The following DAB1 variants were observed in gnomAD, a reference collection of about 807,000 sequenced individuals.
DAB1 encodes DAB adaptor protein 1, also known as disabled homolog 1.
DAB1 carries 15 observed loss-of-function variants against 64.6 expected under a neutral mutation model. That is an observed-to-expected ratio of 0.23 (90% CI 0.16 to 0.36). The LOEUF is 0.36. DAB1 is among the 10% of genes least tolerant of loss of function. DAB1 has a pLI of 1.00. For missense variants in DAB1, 596 were observed against 706.7 expected (o/e 0.84, Z 1.78); for synonymous variants, 235 against 251.9 (o/e 0.93, Z 0.64).
At chr1:58,227,036 T>C (rs1223080708) in intron 4 of DAB1, among the ~76,000 whole-genome samples, 5 of 152,208 alleles carry the variant, frequency 3.3e-5, no homozygotes, top group Non-Finnish European at 7.3e-5. Context: ...TCCCACTTTA[T>C]AGAGGAGGAA....
intron 5 of DAB1, among the ~76,000 whole-genome samples, chr1:57,994,078 C>T (rs1057278616): frequency 2.6e-5 from 4 of 152,154 alleles, no homozygotes; most frequent in Non-Finnish European, 5.9e-5. Flanking sequence ...CAGGTGTGAA[C>T]TAACAGTAGG....
chr1:57,278,738 C>A (rs1402466073), intron 2 of DAB1, among the ~76,000 whole-genome samples: 1 of 152,098 alleles, frequency 6.6e-6, no homozygotes, highest in Non-Finnish European at 1.5e-5. Flanking sequence ...GCAAGCAAGG[C>A]GATGTGTTCA....
chr1:57,362,823 A>T (rs75203772), intron 1 of DAB1, among the ~76,000 whole-genome samples: 8,604 of 152,250 alleles, frequency 0.057, 377 homozygotes, highest in Middle Eastern at 0.088. Flanking sequence ...ACACAAGCAC[A>T]CAAACACACA....
intron 1 of DAB1, among the ~76,000 whole-genome samples, chr1:57,421,164 G>T (rs1034643007): frequency 1.3e-5 from 2 of 152,078 alleles, no homozygotes; most frequent in African/African-American, 4.8e-5. Flanking sequence ...GAGGGCAAAG[G>T]GGAATGAAGA....
chr1:57,191,379 C>G (rs1209207952), intron 2 of DAB1, among the ~76,000 whole-genome samples: 1 of 152,174 alleles, frequency 6.6e-6, no homozygotes, highest in East Asian at 1.9e-4. Flanking sequence ...CCACTCAAAA[C>G]AAATCAGCAA....
intron 1 of DAB1, among the ~76,000 whole-genome samples, chr1:57,883,067 A>T (rs553777042): frequency 6.6e-6 from 1 of 152,304 alleles, no homozygotes; most frequent in East Asian, 1.9e-4. Flanking sequence ...TGCAACTCCA[A>T]ATAAAACGCT....
At chr1:58,198,086 T>C (rs1381511630) in intron 4 of DAB1, among the ~76,000 whole-genome samples, 1 of 152,214 alleles carries the variant, frequency 6.6e-6, no homozygotes, top group Non-Finnish European at 1.5e-5. Context: ...ACCATTTCAC[T>C]GAATCCCTTA....
chr1:57,482,506 A>C (rs1357633110), intron 7 of DAB1, among the ~76,000 whole-genome samples: 1 of 138,534 alleles, frequency 7.2e-6, no homozygotes, highest in Non-Finnish European at 1.5e-5. Context: ...AAAAAAAAAC[A>C]AGAAAAGCTA....
chr1:58,492,465 A>G (rs1012254312), intron 3 of DAB1, among the ~76,000 whole-genome samples: 88 of 152,342 alleles, frequency 5.8e-4, no homozygotes, highest in African/African-American at 2.0e-3. Context: ...CAAAAAATCA[A>G]TGAATCCAGG....
chr1:57,400,256 A>G (rs1683134635), intron 1 of DAB1, among the ~76,000 whole-genome samples: 1 of 152,182 alleles, frequency 6.6e-6, no homozygotes, highest in South Asian at 2.1e-4. Context: ...TTGATTTTTC[A>G]GGTTAATTTT....
At chr1:57,549,109 A>G (rs1405062213) in intron 7 of DAB1, among the ~76,000 whole-genome samples, 1 of 152,160 alleles carries the variant, frequency 6.6e-6, no homozygotes, top group African/African-American at 2.4e-5. Flanking sequence ...ATGTAGGTTA[A>G]AAGTCTCAAT....
intron 1 of DAB1, chr1:57,864,671 T>A (rs917248582): frequency 2.2e-5 from 3 of 134,460 alleles, no homozygotes; most frequent in African/African-American, 8.5e-5. Context: ...TATTTATTTA[T>A]TTATTTATTT....
chr1:57,797,007 C>T (rs1006886504), intron 6 of DAB1, among the ~76,000 whole-genome samples: 2 of 152,232 alleles, frequency 1.3e-5, no homozygotes, highest in African/African-American at 4.8e-5. Flanking sequence ...GCCCCACTCA[C>T]TGCAGGTTCC....
chr1:58,280,887 TCTTA>T lies in DAB1; in HGVS notation n.309+62461_309+62464del, dbSNP rs544367665. On this transcript the variant is annotated intron_variant and non_coding_transcript_variant, in intron 4 of 20. Transcript: ENST00000485760. Reference sequence around the variant, plus strand: ...AGATATCTGACAATCTTTAAGGTGATCTTACTTTAGAGACCGTAAGAGCAAAAGA... The same window carrying T: ...AGATATCTGACAATCTTTAAGGTGATCTTTAGAGACCGTAAGAGCAAAAGA... Among the ~76,000 whole-genome samples the T allele has an allele frequency of 1.5e-4, 23 of 152,304 alleles. No homozygotes were observed. The East Asian group carries it at 4.4e-3, about 29-fold the overall frequency.
At chr1:58,194,116 A>G (rs187490721) in intron 4 of DAB1, among the ~76,000 whole-genome samples, 4 of 152,346 alleles carry the variant, frequency 2.6e-5, no homozygotes, top group Admixed American at 2.6e-4. Flanking sequence ...TAGTCATTCA[A>G]CTGGGGCATC....
intron 4 of DAB1, among the ~76,000 whole-genome samples, chr1:58,172,759 G>A (rs1656247098): frequency 1.3e-5 from 2 of 152,246 alleles, no homozygotes; most frequent in African/African-American, 4.8e-5. Flanking sequence ...TTGAAAGTAA[G>A]CCTCTTCCCC....
intron 2 of DAB1, among the ~76,000 whole-genome samples, chr1:57,272,119 G>A (rs1158146947): frequency 6.6e-6 from 1 of 152,170 alleles, no homozygotes; most frequent in Non-Finnish European, 1.5e-5. Flanking sequence ...TTTCTAGTGC[G>A]GGGCTCCAAG....
intron 9 of DAB1, among the ~76,000 whole-genome samples, chr1:57,061,525 G>A (rs1650397172): frequency 6.6e-6 from 1 of 152,164 alleles, no homozygotes; most frequent in East Asian, 1.9e-4. Context: ...GGTGCCAGCT[G>A]GTCTAGCTAT....
At chr1:58,374,182 A>C (rs1259536471) in intron 3 of DAB1, among the ~76,000 whole-genome samples, 1 of 121,558 alleles carries the variant, frequency 8.2e-6, no homozygotes, top group Non-Finnish European at 1.8e-5. Context: ...TCTTTAGTTT[A>C]ATTAGATCCC....
Sources: gnomAD v4.1 joint callset for allele counts (sites outside exome capture counted in the v4.1 genomes callset) on GRCh38, gnomAD v4.1.1 for gene constraint, MANE v1.5 for transcripts, NCBI Gene and HGNC (gene_info 2026-07-23, HGNC 2026-07-21) for gene names.